JMJD1C: variants seen among roughly 807,000 people sequenced by gnomAD.
JMJD1C encodes jumonji domain-containing protein 1C.
JMJD1C carries 31 observed loss-of-function variants against 245.3 expected under a neutral mutation model. That is an observed-to-expected ratio of 0.13 (90% confidence interval 0.09 to 0.17). The LOEUF is 0.17. Ranked by LOEUF, JMJD1C falls within the 10% of genes least tolerant of loss-of-function variation. The probability of loss-of-function intolerance (pLI) is 1.00; values close to 1 mark genes in which losing one functional copy is unlikely to be tolerated. For missense variants in JMJD1C, 2,691 were observed against 3,000.2 expected, an observed-to-expected ratio of 0.90 and a Z score of 2.41; for synonymous variants, 1,057 against 1,017.4, an observed-to-expected ratio of 1.04 and a Z score of -0.74.
chr10:63,338,107 T>C (rs1190965529), intron 2 of JMJD1C, among the ~76,000 whole-genome samples: 5 of 151,774 alleles, frequency 3.3e-5, no homozygotes, highest in Non-Finnish European at 7.4e-5. Flanking sequence ...TTCTAAAGAG[T>C]TTATCTGGAG....
At chr10:63,449,781 T>C (rs1001204169) in intron 1 of JMJD1C, among the ~76,000 whole-genome samples, 15 of 152,006 alleles carry the variant, frequency 9.9e-5, no homozygotes, top group Non-Finnish European at 1.8e-4. Context: ...TGAAAAGATA[T>C]TCATACTTCC....
At chr10:63,288,054 A>C (rs1451501243) in intron 2 of JMJD1C, among the ~76,000 whole-genome samples, 1 of 152,022 alleles carries the variant, frequency 6.6e-6, no homozygotes, top group Non-Finnish European at 1.5e-5. Flanking sequence ...TAAATTTTTA[A>C]ATTTTTTGTA....
At chr10:63,378,952 CAG>C (rs1336155823) in intron 2 of JMJD1C, among the ~76,000 whole-genome samples, 1 of 152,086 alleles carries the variant, frequency 6.6e-6, no homozygotes, top group Admixed American at 6.6e-5. Flanking sequence ...AGGTCACAGA[CAG>C]ATATTATTTT....
At chr10:63,494,980 T>C (rs1281436945) in intron 1 of JMJD1C, among the ~76,000 whole-genome samples, 1 of 152,222 alleles carries the variant, frequency 6.6e-6, no homozygotes. Context: ...GACCCTCCTA[T>C]AAGCTTCCAT....
At chr10:63,433,593 T>A (rs1950900839) in intron 1 of JMJD1C, among the ~76,000 whole-genome samples, 1 of 149,286 alleles carries the variant, frequency 6.7e-6, no homozygotes, top group Non-Finnish European at 1.5e-5. Flanking sequence ...TTTCTTTTTT[T>A]TTTTTTTTTT....
At chr10:63,371,166 G>A (rs2134430527) in intron 2 of JMJD1C, among the ~76,000 whole-genome samples, 1 of 150,728 alleles carries the variant, frequency 6.6e-6, no homozygotes, top group South Asian at 2.1e-4. Flanking sequence ...TTTTTGGTAG[G>A]GATGAGGGTA....
At chr10:63,327,545 T>C (rs1051967102) in intron 2 of JMJD1C, among the ~76,000 whole-genome samples, 9 of 152,186 alleles carry the variant, frequency 5.9e-5, no homozygotes, top group Non-Finnish European at 1.3e-4. Context: ...GTAAATGGAC[T>C]TCCTAAAGCA....
intron 1 of JMJD1C, among the ~76,000 whole-genome samples, chr10:63,427,075 T>C (rs1017193224): frequency 3.3e-5 from 5 of 152,196 alleles, no homozygotes; most frequent in African/African-American, 1.2e-4. Context: ...AGTAATGCCG[T>C]CCACACTTAT....
chr10:63,385,910 A>G (rs1051832348), intron 1 of JMJD1C, among the ~76,000 whole-genome samples: 2 of 145,978 alleles, frequency 1.4e-5, no homozygotes, highest in African/African-American at 5.6e-5. Context: ...AAAAAAATGA[A>G]GAAGAAATAT....
chr10:63,281,779 CTCT>C (rs1857437212), intron 2 of JMJD1C, among the ~76,000 whole-genome samples: 1 of 151,960 alleles, frequency 6.6e-6, no homozygotes, highest in African/African-American at 2.4e-5. Context: ...AATCCTTTAC[CTCT>C]TGAGGATAAA....
At position 63,231,755 on chromosome 10, in the gene JMJD1C, T is replaced by C. The variant is rs375940465; in HGVS notation, c.448-11772A>G. On this transcript the variant is annotated intron_variant, in intron 3 of 25. Transcript: ENST00000399262. ...GTTGTGGTGCACCAATATTGTGCCATTGTATTCCAGCCTAGGCGACAGAGC... is the reference window on the plus strand; with the variant it reads ...GTTGTGGTGCACCAATATTGTGCCACTGTATTCCAGCCTAGGCGACAGAGC... 9.9e-5 allele frequency among the ~76,000 whole-genome samples: 15 copies of C among 152,250 alleles called. 1 individual carries two copies. Among genetic ancestry groups the C allele is most frequent in the African/African-American group, 2.9e-4 (12 of 41,538 alleles).
chr10:63,215,205 T>A, intron 7 of JMJD1C, 54 bp from the exon 8 acceptor site: 19 of 1,530,896 alleles, frequency 1.2e-5, no homozygotes, highest in Non-Finnish European at 1.7e-5. Context: ...AAGCATATTT[T>A]AAAATGTATT....
intron 1 of JMJD1C, among the ~76,000 whole-genome samples, chr10:63,459,627 G>A (rs1239432422): frequency 6.6e-6 from 1 of 152,058 alleles, no homozygotes; most frequent in Non-Finnish European, 1.5e-5. Context: ...CACCCTTTTT[G>A]AAAATCATCA....
chr10:63,270,416 G>A (rs932337302), intron 2 of JMJD1C, among the ~76,000 whole-genome samples: 7 of 150,528 alleles, frequency 4.7e-5, no homozygotes, highest in African/African-American at 1.5e-4. Flanking sequence ...CTATCCACCC[G>A]CCTCGGCCTC....
chr10:63,210,757 G>A (rs906354307), intron 8 of JMJD1C, among the ~76,000 whole-genome samples: 1 of 152,156 alleles, frequency 6.6e-6, no homozygotes, highest in Non-Finnish European at 1.5e-5. Context: ...TTAATAATCT[G>A]AGTACAGTAG....
chr10:63,480,577 C>T (rs1260207454), intron 1 of JMJD1C, among the ~76,000 whole-genome samples: 1 of 150,394 alleles, frequency 6.6e-6, no homozygotes, highest in African/African-American at 2.5e-5. Flanking sequence ...ACAGGACCAA[C>T]GCATTTAAAG....
At chr10:63,226,177 A>G (rs1183582047) in intron 3 of JMJD1C, among the ~76,000 whole-genome samples, 1 of 152,238 alleles carries the variant, frequency 6.6e-6, no homozygotes, top group Non-Finnish European at 1.5e-5. Context: ...ATAAACTTCT[A>G]ACACTGGTTA....
At chr10:63,190,492 G>A (rs1024522916) in intron 17 of JMJD1C, among the ~76,000 whole-genome samples, 2 of 152,146 alleles carry the variant, frequency 1.3e-5, no homozygotes, top group Non-Finnish European at 2.9e-5. Context: ...GTGAGCCGCC[G>A]CACCCGGCCC....
intron 2 of JMJD1C, among the ~76,000 whole-genome samples, chr10:63,275,112 T>A (rs1856661970): frequency 1.3e-5 from 2 of 152,168 alleles, no homozygotes; most frequent in South Asian, 4.1e-4. Context: ...TTTTTACAGA[T>A]AAAAAAATGG....
Sources: gnomAD v4.1 joint callset for allele counts (sites outside exome capture counted in the v4.1 genomes callset) on GRCh38, gnomAD v4.1.1 for gene constraint, MANE v1.5 for transcripts, NCBI Gene and HGNC (gene_info 2026-07-23, HGNC 2026-07-21) for gene names.